CADPS2: variants seen among roughly 807,000 people sequenced by gnomAD.
CADPS2 encodes the protein calcium dependent secretion activator 2.
In CADPS2, 93 loss-of-function variants were observed where a neutral mutation model predicts 172.5. The observed-to-expected ratio is 0.54, with a 90% CI of 0.46 to 0.64. The LOEUF (loss-of-function observed/expected upper bound fraction) is 0.64, where lower values mean the gene tolerates loss of function less well. CADPS2 is among the 30% of genes least tolerant of loss of function. CADPS2 has a pLI of 0.00. For missense variants in CADPS2, 1,420 were observed against 1,565.9 expected (o/e 0.91, Z 1.57); for synonymous variants, 546 against 555.2 (o/e 0.98, Z 0.23).
At position 122,749,198 on chromosome 7, in the gene CADPS2, T is replaced by G. The variant is rs74923167; in HGVS notation, c.340-12130A>C. ...TCCCACGTATCACTGAAGAATTGATTCAAGTGTGCATTCCTAAAGAAATCA... is the reference window on the plus strand; with the variant it reads ...TCCCACGTATCACTGAAGAATTGATGCAAGTGTGCATTCCTAAAGAAATCA... On this transcript the variant is annotated intron_variant, in intron 1 of 29. Coordinates refer to ENST00000449022, the MANE Select transcript of CADPS2 (RefSeq NM_017954.11). Among the ~76,000 whole-genome samples, 1,004 of 152,232 alleles carry G rather than the reference T, an allele frequency of 6.6e-3. 11 individuals carry two copies. The highest frequency in any genetic ancestry group is 0.023 in the African/African-American group (960 of 41,552).
At chr7:122,527,910 CA>C (rs1454150508) in intron 8 of CADPS2, among the ~76,000 whole-genome samples, 3 of 151,998 alleles carry the variant, frequency 2.0e-5, no homozygotes, top group Admixed American at 6.6e-5. Flanking sequence ...GAGAGACAGA[CA>C]AACAGAGAAA....
chr7:122,488,439 T>C (rs1018511372), intron 11 of CADPS2, among the ~76,000 whole-genome samples: 3 of 152,250 alleles, frequency 2.0e-5, no homozygotes, highest in African/African-American at 7.2e-5. Flanking sequence ...AACAAGTTAC[T>C]ATGTACCACT....
At chr7:122,480,687 G>A (rs1044495858) in intron 12 of CADPS2, among the ~76,000 whole-genome samples, 165 bp downstream of exon 12, 1 of 151,992 alleles carries the variant, frequency 6.6e-6, no homozygotes, top group African/African-American at 2.4e-5. Flanking sequence ...TTTTTGTTGC[G>A]ATAGACATTT....
intron 8 of CADPS2, among the ~76,000 whole-genome samples, chr7:122,537,888 A>C (rs879427393): frequency 2.0e-5 from 3 of 151,780 alleles, no homozygotes; most frequent in African/African-American, 7.2e-5. Context: ...AAGGATAAAA[A>C]CGCAAGAGAA....
chr7:122,715,552 C>G (rs939106010), intron 2 of CADPS2, among the ~76,000 whole-genome samples: 2 of 152,110 alleles, frequency 1.3e-5, no homozygotes, highest in Non-Finnish European at 2.9e-5. Flanking sequence ...ACTGTCCAAA[C>G]AGAGGTCATT....
At chr7:122,821,500 C>T (rs980551026) in intron 1 of CADPS2, among the ~76,000 whole-genome samples, 1 of 152,174 alleles carries the variant, frequency 6.6e-6, no homozygotes, top group Non-Finnish European at 1.5e-5. Flanking sequence ...TGCCCTGAGT[C>T]AGGTAACTAA....
chr7:122,818,013 C>T (rs558655502), intron 1 of CADPS2, among the ~76,000 whole-genome samples: 1 of 150,976 alleles, frequency 6.6e-6, no homozygotes, highest in East Asian at 2.0e-4. Flanking sequence ...TTTCTGCACC[C>T]CATCCCTTAT....
At chr7:122,802,964 T>G (rs949600025) in intron 1 of CADPS2, among the ~76,000 whole-genome samples, 3 of 152,206 alleles carry the variant, frequency 2.0e-5, no homozygotes, top group African/African-American at 7.2e-5. Flanking sequence ...CTCATATATT[T>G]TAAATGACTT....
chr7:122,670,079 C>G, intron 2 of CADPS2, among the ~76,000 whole-genome samples: 1 of 152,112 alleles, frequency 6.6e-6, no homozygotes, highest in Middle Eastern at 3.4e-3. Context: ...CCCTGGGGCT[C>G]AAGGGATGAC....
intron 8 of CADPS2, among the ~76,000 whole-genome samples, chr7:122,514,068 T>C (rs564271530): frequency 1.3e-5 from 2 of 152,142 alleles, no homozygotes; most frequent in Admixed American, 1.3e-4. Flanking sequence ...ACAAATGATA[T>C]ACTGAAATAT....
intron 25 of CADPS2, among the ~76,000 whole-genome samples, chr7:122,374,278 C>T (rs941485061): frequency 1.3e-5 from 2 of 152,048 alleles, no homozygotes; most frequent in African/African-American, 4.8e-5. Context: ...ATATGAAAAG[C>T]TCACAGTTGA....
intron 8 of CADPS2, among the ~76,000 whole-genome samples, chr7:122,514,490 C>G (rs1008361846): frequency 6.6e-6 from 1 of 151,944 alleles, no homozygotes; most frequent in Non-Finnish European, 1.5e-5. Flanking sequence ...CCCCCTCCCC[C>G]CTTTAGAAAC....
chr7:122,405,131 C>CAA (rs1374459294), intron 20 of CADPS2, among the ~76,000 whole-genome samples: 9 of 150,954 alleles, frequency 6.0e-5, no homozygotes, highest in African/African-American at 2.2e-4. Context: ...AAACAAAAAA[C>CAA]AAAAAAACAA....
chr7:122,773,390 T>C lies in CADPS2; in HGVS notation c.340-36322A>G, dbSNP rs117009735. On this transcript the variant is annotated intron_variant, in intron 1 of 29. Coordinates refer to ENST00000449022, the MANE Select transcript of CADPS2 (RefSeq NM_017954.11). ...ATATCCGTGTTCATTTACTTAATGC[T>C]ATTAATTACAGCACTAAATTATCAG... 1.1e-4 allele frequency among the ~76,000 whole-genome samples: 17 copies of C among 152,220 alleles called. 1 individual carries two copies. The East Asian group carries it at 2.9e-3, about 26-fold the overall frequency.
intron 7 of CADPS2, among the ~76,000 whole-genome samples, chr7:122,573,064 T>C (rs1409242703): frequency 6.6e-6 from 1 of 152,166 alleles, no homozygotes; most frequent in South Asian, 2.1e-4. Flanking sequence ...ATATTTTTCT[T>C]ACAACAAAGA....
intron 3 of CADPS2, among the ~76,000 whole-genome samples, chr7:122,642,167 C>A (rs1022662608): frequency 3.3e-5 from 5 of 151,750 alleles, no homozygotes; most frequent in African/African-American, 9.7e-5. Flanking sequence ...GTAATCCCAG[C>A]TACTCCAGAG....
chr7:122,578,388 C>T (rs2068331115), intron 7 of CADPS2, among the ~76,000 whole-genome samples: 1 of 151,962 alleles, frequency 6.6e-6, no homozygotes, highest in Non-Finnish European at 1.5e-5. Flanking sequence ...AAAGAAAGCA[C>T]GGTGTAAGGA....
At chr7:122,633,931 C>T (rs2076812226) in intron 3 of CADPS2, among the ~76,000 whole-genome samples, 4 of 152,122 alleles carry the variant, frequency 2.6e-5, no homozygotes, top group Admixed American at 2.6e-4. Flanking sequence ...GCTTTTTCTG[C>T]ATCTATTGAG....
chr7:122,569,343 C>A (rs982697926), intron 7 of CADPS2, among the ~76,000 whole-genome samples: 12 of 152,066 alleles, frequency 7.9e-5, no homozygotes, highest in Non-Finnish European at 7.4e-5. Flanking sequence ...AGGACCTCTT[C>A]AAGGAGAACT....
Sources: allele counts gnomAD v4.1 joint callset (sites outside exome capture counted in the v4.1 genomes callset), GRCh38; gene constraint gnomAD v4.1.1; transcripts MANE v1.5; gene names NCBI Gene and HGNC (gene_info 2026-07-23, HGNC 2026-07-21).